Variants in SORCS1 observed in about 807,000 individuals in gnomAD.
The protein encoded by SORCS1 is sortilin related VPS10 domain containing receptor 1.
Under a neutral mutation model 146.1 loss-of-function variants are expected in SORCS1, and 60 were observed. That is an observed-to-expected ratio of 0.41 (90% CI 0.33 to 0.51). SORCS1 has a LOEUF of 0.51. Ranked by LOEUF, SORCS1 falls within the 20% of genes least tolerant of loss-of-function variation. The pLI is 0.21. For synonymous variants in SORCS1, 637 were observed against 584.0 expected (o/e 1.09, Z -1.31); for missense variants, 1,352 against 1,487.6 (o/e 0.91, Z 1.50).
chr10:106,943,573 C>T (rs111825528), intron 2 of SORCS1, among the ~76,000 whole-genome samples: 47 of 151,894 alleles, frequency 3.1e-4, no homozygotes, highest in Admixed American at 9.2e-4. Context: ...TTTGGGAGGC[C>T]GAGGTGGCCG....
At chr10:106,707,993 C>T (rs1854657684) in intron 7 of SORCS1, among the ~76,000 whole-genome samples, 1 of 152,146 alleles carries the variant, frequency 6.6e-6, no homozygotes, top group Non-Finnish European at 1.5e-5. Flanking sequence ...TGAGGGGTTA[C>T]AGGATGTTCA....
At chr10:106,935,956 A>G (rs997704792) in intron 2 of SORCS1, among the ~76,000 whole-genome samples, 1 of 152,224 alleles carries the variant, frequency 6.6e-6, no homozygotes, top group Non-Finnish European at 1.5e-5. Flanking sequence ...AAACTTGAGA[A>G]TTAAATTTAA....
intron 1 of SORCS1, among the ~76,000 whole-genome samples, chr10:107,000,270 C>G (rs1489248866): frequency 6.6e-6 from 1 of 152,160 alleles, no homozygotes; most frequent in Non-Finnish European, 1.5e-5. Context: ...ATCTTTCCCC[C>G]CAAAACCGGC....
At chr10:106,736,306 T>C (rs1856940149) in intron 5 of SORCS1, among the ~76,000 whole-genome samples, 1 of 152,142 alleles carries the variant, frequency 6.6e-6, no homozygotes, top group African/African-American at 2.4e-5. Flanking sequence ...CATGATGGGA[T>C]AGCACCTATT....
At chr10:106,971,905 C>G (rs1280224519) in intron 1 of SORCS1, among the ~76,000 whole-genome samples, 1 of 152,122 alleles carries the variant, frequency 6.6e-6, no homozygotes, top group Non-Finnish European at 1.5e-5. Context: ...ATCTCTTCTT[C>G]TGTGTAATAG....
At chr10:106,777,351 G>A (rs549235078) in intron 3 of SORCS1, among the ~76,000 whole-genome samples, 115 of 152,244 alleles carry the variant, frequency 7.6e-4, no homozygotes, top group African/African-American at 2.6e-3. Context: ...AACCCTGTGC[G>A]AACAGAGATA....
intron 2 of SORCS1, among the ~76,000 whole-genome samples, chr10:106,864,206 C>T (rs1388836854): frequency 2.0e-5 from 3 of 152,138 alleles, no homozygotes; most frequent in Non-Finnish European, 4.4e-5. Context: ...CAACCAGGTG[C>T]TCACATTGGG....
At chr10:106,648,348 C>T (rs11192994) in intron 18 of SORCS1, among the ~76,000 whole-genome samples, 36,043 of 151,970 alleles carry the variant, frequency 0.24, 5,254 homozygotes, top group East Asian at 0.52. Context: ...ATTTTGGATA[C>T]GTTGGAGTCT....
At chr10:106,683,296 G>T (rs1299254488) in intron 10 of SORCS1, among the ~76,000 whole-genome samples, 2 of 152,002 alleles carry the variant, frequency 1.3e-5, no homozygotes, top group Non-Finnish European at 2.9e-5. Context: ...TATTCCTCTT[G>T]TCTAACTGAA....
chr10:106,661,789 T>A (rs952016407), intron 17 of SORCS1, among the ~76,000 whole-genome samples: 6 of 152,236 alleles, frequency 3.9e-5, no homozygotes, highest in African/African-American at 1.4e-4. Context: ...AATTACTCAC[T>A]TTTTCACCGA....
intron 6 of SORCS1, among the ~76,000 whole-genome samples, chr10:106,728,465 G>C (rs1352926743): frequency 1.3e-5 from 2 of 152,130 alleles, no homozygotes; most frequent in Admixed American, 6.5e-5. Flanking sequence ...CACAGTGCTG[G>C]GCATGTTACA....
chr10:106,611,809 G>A (rs201169684), intron 22 of SORCS1, 102 bp downstream of exon 22: 19 of 573,606 alleles, frequency 3.3e-5, no homozygotes, highest in Non-Finnish European at 5.3e-5. Context: ...CTTCCTGCTG[G>A]GTTAGTTTGT....
intron 2 of SORCS1, among the ~76,000 whole-genome samples, chr10:106,858,917 A>G (rs916196694): frequency 1.3e-5 from 2 of 152,064 alleles, no homozygotes; most frequent in African/African-American, 4.8e-5. Flanking sequence ...AATGTATCCA[A>G]TATGTACCAT....
At chr10:106,792,172 T>C (rs1946349467) in intron 3 of SORCS1, among the ~76,000 whole-genome samples, 1 of 152,228 alleles carries the variant, frequency 6.6e-6, no homozygotes, top group South Asian at 2.1e-4. Context: ...TAGACATGGG[T>C]GATCCCAAGT....
intron 1 of SORCS1, among the ~76,000 whole-genome samples, chr10:106,961,899 C>G (rs1237576366): frequency 6.6e-6 from 1 of 152,234 alleles, no homozygotes; most frequent in Non-Finnish European, 1.5e-5. Flanking sequence ...AGTTGCCACT[C>G]TGCTATACAT....
At chr10:107,142,697 G>C (rs544163903) in intron 1 of SORCS1, among the ~76,000 whole-genome samples, 1 of 152,104 alleles carries the variant, frequency 6.6e-6, no homozygotes, top group Admixed American at 6.6e-5. Context: ...TTTCACCTGC[G>C]GTTCTTCTCC....
chr10:106,717,380 T>C (rs1855452506), intron 6 of SORCS1, among the ~76,000 whole-genome samples: 2 of 152,202 alleles, frequency 1.3e-5, no homozygotes, highest in Admixed American at 6.5e-5. Flanking sequence ...AGCTAGAAAT[T>C]GAGAATGTCA....
In SORCS1 at chr10:106,983,869, C is replaced by A. The variant is rs147387267; in HGVS notation, c.559-27289G>T. Among the ~76,000 whole-genome samples, 312 of 152,242 alleles carry A rather than the reference C, an allele frequency of 2.0e-3. 4 individuals are homozygous for A. Among genetic ancestry groups the A allele is most frequent in the African/African-American group, 7.0e-3 (292 of 41,556 alleles). Reference sequence around the variant, plus strand: ...TGTGGGAAATTTTCTAGCAGGAGGACCAAACAGCATAATTCTTGTTACCTT... The same window carrying A: ...TGTGGGAAATTTTCTAGCAGGAGGAACAAACAGCATAATTCTTGTTACCTT... On this transcript the variant is annotated intron_variant, in intron 1 of 25. Transcript: ENST00000263054.
intron 1 of SORCS1, among the ~76,000 whole-genome samples, chr10:106,976,343 T>G (rs200343943): frequency 2.5e-4 from 9 of 36,044 alleles, no homozygotes; most frequent in South Asian, 1.5e-3. Flanking sequence ...GTTTTTTTTT[T>G]TTTTTTGAGA....
Sources: allele counts gnomAD v4.1 joint callset (sites outside exome capture counted in the v4.1 genomes callset), GRCh38; gene constraint gnomAD v4.1.1; transcripts MANE v1.5; gene names NCBI Gene and HGNC (gene_info 2026-07-23, HGNC 2026-07-21).